The following CHP1 variants were observed in gnomAD, a reference collection of about 807,000 sequenced individuals.
CHP1 encodes the protein calcineurin like EF-hand protein 1.
In CHP1, 11 loss-of-function variants were observed where a neutral mutation model predicts 27.4. The observed-to-expected ratio is 0.40, with a 90% CI of 0.25 to 0.67. The LOEUF is 0.67. CHP1 is among the 30% of genes least tolerant of loss of function. CHP1 has a pLI of 0.38. For synonymous variants in CHP1, 89 were observed against 87.4 expected (o/e 1.02, Z -0.10); for missense variants, 169 against 251.3 (o/e 0.67, Z 2.22).
intron 2 of CHP1, among the ~76,000 whole-genome samples, chr15:41,249,484 T>C (rs886546638): frequency 4.0e-4 from 56 of 140,582 alleles, no homozygotes; most frequent in South Asian, 2.7e-3. Flanking sequence ...TTTTTTTTTT[T>C]TTTTTTGAGA....
intron 4 of CHP1, among the ~76,000 whole-genome samples, chr15:41,263,766 T>C (rs2140937493): frequency 6.6e-6 from 1 of 152,158 alleles, no homozygotes; most frequent in Admixed American, 6.5e-5. Flanking sequence ...TCCCAGGTAC[T>C]TGGGAGGCTG....
At chr15:41,265,099 C>T (rs1050330550) in intron 4 of CHP1, among the ~76,000 whole-genome samples, 1 of 152,002 alleles carries the variant, frequency 6.6e-6, no homozygotes, top group South Asian at 2.1e-4. Flanking sequence ...CGGTGGCTCA[C>T]GCCTGTAATC....
chr15:41,239,076 A>G (rs887227156), intron 1 of CHP1, among the ~76,000 whole-genome samples: 1 of 152,116 alleles, frequency 6.6e-6, no homozygotes, highest in Admixed American at 6.6e-5. Flanking sequence ...TTATAGGTAG[A>G]TTGGGATTGT....
intron 1 of CHP1, among the ~76,000 whole-genome samples, chr15:41,240,538 G>A (rs1401656327): frequency 2.6e-5 from 4 of 152,050 alleles, no homozygotes; most frequent in Non-Finnish European, 5.9e-5. Context: ...TGGATCACCC[G>A]AGGTTGGGAG....
In CHP1 at chr15:41,279,805, G is replaced by A. The variant is rs2047536920; in HGVS notation, c.*416G>A. On this transcript the variant is annotated 3_prime_UTR_variant, in exon 7 of 7. Transcript: ENST00000334660. Reference sequence around the variant, plus strand: ...GCATGCTTCTTCATCCTTTTTATATGTTCTTTGCTTCCTACTTCCCTGTCT... The same window carrying A: ...GCATGCTTCTTCATCCTTTTTATATATTCTTTGCTTCCTACTTCCCTGTCT... 6.0e-6 allele frequency: 1 copy of A among 166,970 alleles called. No homozygotes were observed. The highest frequency in any genetic ancestry group is 1.3e-5 in the Non-Finnish European group (1 of 78,156). 10.3% of individuals were successfully genotyped at this position (166,970 alleles called of 1,614,324 possible). A position where few individuals can be genotyped will look rare whatever the true frequency, so the allele number is the denominator to read the frequency against.
Position 41,268,641 on chromosome 15 carries a change from CAAAAA to C in CHP1, c.350-1906_350-1902del, listed in dbSNP as rs781241008. 2.3e-5 allele frequency among the ~76,000 whole-genome samples: 3 copies of C among 129,022 alleles called. No individual in the cohort carries two copies. In the South Asian group the frequency reaches 7.4e-4, roughly 32 times the overall value. 84.6% of individuals were successfully genotyped at this position (129,022 alleles called of 152,430 possible). ...TGGGCGACAGAGCAAGACTCCATCT[CAAAAA>C]AAAAAAAAATTCAGGCCAGGCGCGA... On this transcript the variant is annotated intron_variant, in intron 4 of 6. Coordinates refer to ENST00000334660, the MANE Select transcript of CHP1 (RefSeq NM_007236.5).
intron 2 of CHP1, 178 bp from the exon 3 acceptor site, chr15:41,256,732 A>G: frequency 3.3e-6 from 2 of 606,594 alleles, no homozygotes; most frequent in Non-Finnish European, 5.9e-6. Flanking sequence ...GAGTTGGTGC[A>G]AGAAACACTT....
intron 4 of CHP1, among the ~76,000 whole-genome samples, chr15:41,264,653 C>A (rs2047451326): frequency 6.6e-6 from 1 of 152,096 alleles, no homozygotes; most frequent in Non-Finnish European, 1.5e-5. Context: ...CTATGTTGCC[C>A]AGACTGGTCT....
At chr15:41,231,546 G>T (rs2047242262) in intron 1 of CHP1, 97 bp downstream of exon 1, 5 of 1,179,234 alleles carry the variant, frequency 4.2e-6, no homozygotes, top group Non-Finnish European at 4.9e-6. Flanking sequence ...GTGCCTGTGA[G>T]GTTGGGGGGT....
At chr15:41,243,766 T>G (rs1365183695) in intron 2 of CHP1, 27 bp downstream of exon 2, 2 of 1,604,912 alleles carry the variant, frequency 1.2e-6, no homozygotes, top group African/African-American at 2.7e-5. Context: ...TTTATTTTCC[T>G]CACAGAAACC....
At chr15:41,257,359 A>G (rs917627389) in intron 3 of CHP1, among the ~76,000 whole-genome samples, 5 of 152,148 alleles carry the variant, frequency 3.3e-5, no homozygotes, top group African/African-American at 1.2e-4. Context: ...TATTGTTAAC[A>G]TTTTGCCTCA....
chr15:41,280,341 T>C lies in CHP1; in HGVS notation c.*952T>C, dbSNP rs2047539175. The C allele has an allele frequency of 6.6e-6, 1 of 152,578 alleles. No homozygotes were observed. The highest frequency in any genetic ancestry group is 1.5e-5 in the Non-Finnish European group (1 of 68,080). The allele number at this position is 152,578 out of a possible 1,614,324, so 9.5% of individuals were successfully genotyped here. A position where few individuals can be genotyped will look rare whatever the true frequency, so the allele number is the denominator to read the frequency against. ...GACAATATGCCTAGGGACTTTCTCA[T>C]GGCTTTTATTTAATAAGGAGGCTGG... On this transcript the variant is annotated 3_prime_UTR_variant, in exon 7 of 7. Coordinates refer to ENST00000334660, the MANE Select transcript of CHP1 (RefSeq NM_007236.5).
At chr15:41,235,640 C>T (rs1469317882) in intron 1 of CHP1, among the ~76,000 whole-genome samples, 2 of 152,146 alleles carry the variant, frequency 1.3e-5, no homozygotes, top group Admixed American at 6.6e-5. Context: ...TCATGTGGTA[C>T]GGGAAGGGTG....
chr15:41,254,284 A>G (rs2047387030), intron 2 of CHP1, among the ~76,000 whole-genome samples: 1 of 152,186 alleles, frequency 6.6e-6, no homozygotes, highest in Non-Finnish European at 1.5e-5. Context: ...ACCACTTGAT[A>G]CTAGACTTGG....
chr15:41,260,898 A>G (rs1324968986), intron 3 of CHP1, among the ~76,000 whole-genome samples: 1 of 151,416 alleles, frequency 6.6e-6, no homozygotes, highest in Non-Finnish European at 1.5e-5. Flanking sequence ...GCATTCATAT[A>G]TATATGAGGG....
intron 2 of CHP1, among the ~76,000 whole-genome samples, chr15:41,249,462 CTTTTTTTTTT>C (rs1163537727): frequency 2.5e-5 from 2 of 78,480 alleles, no homozygotes; most frequent in African/African-American, 5.9e-5. Context: ...CCTTCACCTT[CTTTTTTTTTT>C]TTTTTTTTTT....
intron 5 of CHP1, chr15:41,272,282 G>A (rs867490645): frequency 6.6e-6 from 1 of 152,018 alleles, no homozygotes; most frequent in Non-Finnish European, 1.5e-5. Context: ...ACAAGCACGA[G>A]CCATCATGCC....
chr15:41,262,775 C>G lies in CHP1; in HGVS notation c.241C>G (p.Arg81Gly). ...FPEGEDQVNFRGFMRTLAHFR... is the reference protein window; with the variant it reads ...FPEGEDQVNFGGFMRTLAHFR... ...AATCAGAGAGGACCAGGTAAACTTC[C>G]GTGGATTCATGCGAACTTTGGCTCA... is the stretch of plus-strand genomic sequence containing the variant. The change falls in exon 4 of 7, where the codon CGT becomes GGT. Residue 81 changes from arginine (R) to glycine (G), a missense_variant. Coordinates refer to ENST00000334660, the MANE Select transcript of CHP1 (RefSeq NM_007236.5). 1 of 1,612,822 alleles carries G rather than the reference C, an allele frequency of 6.2e-7. No homozygotes were observed. The highest frequency in any genetic ancestry group is 8.5e-7 in the Non-Finnish European group (1 of 1,179,918).
intron 3 of CHP1, among the ~76,000 whole-genome samples, chr15:41,261,163 T>C (rs2140936134): frequency 6.6e-6 from 1 of 151,618 alleles, no homozygotes; most frequent in Middle Eastern, 3.4e-3. Context: ...TCCTTTCCTT[T>C]TCTTTTTTTT....
Sources: allele counts gnomAD v4.1 joint callset (sites outside exome capture counted in the v4.1 genomes callset), GRCh38; gene constraint gnomAD v4.1.1; transcripts MANE v1.5; gene names NCBI Gene and HGNC (gene_info 2026-07-23, HGNC 2026-07-21).